The following FNBP4 variants were observed in gnomAD, a reference collection of about 807,000 sequenced individuals.
The protein encoded by FNBP4 is formin-binding protein 4.
FNBP4 carries 34 observed loss-of-function variants against 119.3 expected under a neutral mutation model. The ratio of observed to expected loss-of-function variants is 0.28; its 90% confidence interval spans 0.22 to 0.38. The LOEUF (loss-of-function observed/expected upper bound fraction) is 0.38, where lower values mean the gene tolerates loss of function less well. Ranked by LOEUF, FNBP4 falls within the 10% of genes least tolerant of loss-of-function variation. The pLI, the probability that FNBP4 is intolerant of heterozygous loss-of-function variation, is 1.00. For synonymous variants in FNBP4, 462 were observed against 430.6 expected, an observed-to-expected ratio of 1.07 and a Z score of -0.90; for missense variants, 1,112 against 1,228.9, an observed-to-expected ratio of 0.90 and a Z score of 1.42.
rs371836233 is a variant in FNBP4, at chr11:47,728,308, G to A, written c.2008+3066C>T. On this transcript the variant is annotated intron_variant, in intron 12 of 16. Transcript: ENST00000263773. ...CCTGTTGCCCAGGCTGGAGTGCAGAGGTGTCATCTTGGTTCACTGTAATCT... is the reference window on the plus strand; with the variant it reads ...CCTGTTGCCCAGGCTGGAGTGCAGAAGTGTCATCTTGGTTCACTGTAATCT... 1.9e-4 allele frequency among the ~76,000 whole-genome samples: 28 copies of A among 150,456 alleles called. 1 individual carries two copies. The highest frequency in any genetic ancestry group is 6.6e-4 in the African/African-American group (27 of 40,896).
intron 3 of FNBP4, 78 bp downstream of exon 3, chr11:47,754,450 A>G: frequency 1.4e-6 from 2 of 1,428,076 alleles, no homozygotes; most frequent in Non-Finnish European, 1.9e-6. Context: ...CATTGAACTG[A>G]CAAGTACGCT....
Position 47,732,683 on chromosome 11 carries a change from G to C in FNBP4, c.1687-13C>G. 2 of 1,612,828 alleles carry C rather than the reference G, an allele frequency of 1.2e-6. No individual in the cohort carries two copies. Among genetic ancestry groups the C allele is most frequent in the South Asian group, 1.1e-5 (1 of 91,056 alleles). ...CTGCAATTCGAGTCTAGAATAAACAGACAAATAAGTTAAAGACTTATTATT... is the reference window on the plus strand; with the variant it reads ...CTGCAATTCGAGTCTAGAATAAACACACAAATAAGTTAAAGACTTATTATT... On this transcript the variant is annotated splice_polypyrimidine_tract_variant and intron_variant, in intron 10 of 16. Transcript: ENST00000263773. This position sits in a 1 kb window ranked among gnomAD's most constrained non-coding sequence, Gnocchi z 4.2.
intron 1 of FNBP4, 108 bp from the exon 2 acceptor site, chr11:47,765,470 T>C (rs1166078430): frequency 2.7e-6 from 2 of 750,508 alleles, no homozygotes; most frequent in Admixed American, 2.7e-5. Context: ...AAACCAACCT[T>C]TGATTTAACA....
intron 16 of FNBP4, among the ~76,000 whole-genome samples, chr11:47,719,179 T>C (rs541346486): frequency 2.3e-4 from 35 of 152,324 alleles, no homozygotes; most frequent in African/African-American, 8.2e-4. Context: ...TGAGCCACCG[T>C]GCCCAGCCCA....
intron 15 of FNBP4, 35 bp downstream of exon 15, chr11:47,722,941 A>T: frequency 1.4e-6 from 2 of 1,463,868 alleles, no homozygotes; most frequent in East Asian, 2.5e-5. Context: ...TAAAATTTTT[A>T]AAAATAAATT....
At chr11:47,733,161 T>C (rs888756216) in intron 10 of FNBP4, among the ~76,000 whole-genome samples, 2 of 152,142 alleles carry the variant, frequency 1.3e-5, no homozygotes, top group African/African-American at 4.8e-5. Flanking sequence ...AAAAATGAAA[T>C]TGGGCTCCAG....
chr11:47,723,438 A>C, intron 14 of FNBP4, 122 bp from the exon 15 acceptor site: 1 of 1,447,508 alleles, frequency 6.9e-7, no homozygotes. Context: ...TTTTCTAAAA[A>C]GCATAGCCAT....
intron 8 of FNBP4, 106 bp from the exon 9 acceptor site, chr11:47,736,846 C>G (rs534371503): frequency 6.0e-5 from 63 of 1,054,356 alleles, no homozygotes; most frequent in Non-Finnish European, 7.7e-5. Context: ...AGTTCTTTCT[C>G]TCTTGCCTGT....
chr11:47,766,666 C>G (rs1324558111), intron 1 of FNBP4, among the ~76,000 whole-genome samples: 1 of 152,246 alleles, frequency 6.6e-6, no homozygotes, highest in Non-Finnish European at 1.5e-5. Context: ...ATCCCCGTTT[C>G]GACAAAACCG....
intron 3 of FNBP4, 81 bp downstream of exon 3, chr11:47,754,447 C>T (rs1047126938): frequency 2.2e-6 from 3 of 1,392,346 alleles, no homozygotes; most frequent in Non-Finnish European, 3.0e-6. Context: ...AGACATTGAA[C>T]TGACAAGTAC....
At chr11:47,728,627 C>A (rs1003295290) in intron 12 of FNBP4, among the ~76,000 whole-genome samples, 9 of 152,048 alleles carry the variant, frequency 5.9e-5, no homozygotes, top group Non-Finnish European at 1.0e-4. Flanking sequence ...CTTCAACCTA[C>A]CAGGCTCAAG....
chr11:47,736,294 C>T (rs1311076687), intron 9 of FNBP4, among the ~76,000 whole-genome samples: 3 of 146,010 alleles, frequency 2.1e-5, no homozygotes, highest in Admixed American at 1.4e-4. Context: ...CAGTGGCTGA[C>T]GCCTGTAATC....
intron 8 of FNBP4, among the ~76,000 whole-genome samples, chr11:47,742,300 G>T (rs939633964): frequency 6.6e-6 from 1 of 151,632 alleles, no homozygotes; most frequent in Non-Finnish European, 1.5e-5. Flanking sequence ...CCAACATGGT[G>T]AAATCCCATT....
At chr11:47,766,949 C>A in intron 1 of FNBP4, 120 bp downstream of exon 1, 1 of 1,376,442 alleles carries the variant, frequency 7.3e-7, no homozygotes, top group Non-Finnish European at 9.3e-7. Flanking sequence ...TGCAGGCCCG[C>A]AGCAGGCAGG....
At chr11:47,765,388 A>AGAAAAGAAAG (rs1370396648) in intron 1 of FNBP4, 26 bp from the exon 2 acceptor site, 2 of 1,298,952 alleles carry the variant, frequency 1.5e-6, no homozygotes, top group Non-Finnish European at 2.1e-6. Flanking sequence ...AGAAAAGAAA[A>AGAAAAGAAAG]GAAAAGAAAA....
intron 10 of FNBP4, among the ~76,000 whole-genome samples, chr11:47,733,588 C>T (rs1214759351): frequency 2.0e-5 from 3 of 152,134 alleles, no homozygotes; most frequent in Admixed American, 1.3e-4. Flanking sequence ...CCTGCCCCGG[C>T]CTCCCAAAGT....
intron 6 of FNBP4, among the ~76,000 whole-genome samples, chr11:47,746,837 T>C (rs1401578496): frequency 1.3e-5 from 2 of 151,900 alleles, no homozygotes; most frequent in Non-Finnish European, 2.9e-5. Context: ...AACAGGTGAG[T>C]ATATATTTAT....
intron 2 of FNBP4, among the ~76,000 whole-genome samples, chr11:47,755,057 C>T (rs1440744231): frequency 1.3e-5 from 2 of 151,700 alleles, no homozygotes; most frequent in Non-Finnish European, 2.9e-5. Flanking sequence ...GTGCTTGAAC[C>T]TGGGAGGCAG....
chr11:47,756,471 T>G (rs184075445), intron 2 of FNBP4, among the ~76,000 whole-genome samples: 1 of 152,190 alleles, frequency 6.6e-6, no homozygotes, highest in Non-Finnish European at 1.5e-5. Flanking sequence ...ATTAATCATG[T>G]AGGAGTTCAT....
Sources: gnomAD v4.1 joint callset for allele counts (sites outside exome capture counted in the v4.1 genomes callset) on GRCh38, gnomAD v4.1.1 for gene constraint, Gnocchi (gnomAD v3.1) non-coding constraint, MANE v1.5 for transcripts, NCBI Gene and HGNC (gene_info 2026-07-23, HGNC 2026-07-21) for gene names.